EPHB1: variants seen among roughly 807,000 people sequenced by gnomAD.
EPHB1 encodes the protein ephrin type-B receptor 1.
Under a neutral mutation model 94.4 loss-of-function variants are expected in EPHB1, and 30 were observed. That is an observed-to-expected ratio of 0.32 (90% CI 0.24 to 0.43). The LOEUF (loss-of-function observed/expected upper bound fraction) is 0.43, where lower values mean the gene tolerates loss of function less well. Ranked by LOEUF, EPHB1 falls within the 20% of genes least tolerant of loss-of-function variation. The pLI, the probability that EPHB1 is intolerant of heterozygous loss-of-function variation, is 1.00. For synonymous variants in EPHB1, 522 were observed against 489.1 expected, an observed-to-expected ratio of 1.07 and a Z score of -0.89; for missense variants, 1,055 against 1,308.3, an observed-to-expected ratio of 0.81 and a Z score of 2.99.
At chr3:135,244,839 A>G (rs561475005) in intron 13 of EPHB1, among the ~76,000 whole-genome samples, 36 of 152,376 alleles carry the variant, frequency 2.4e-4, no homozygotes, top group African/African-American at 8.4e-4. Flanking sequence ...AATGCTACTC[A>G]TATACCAATG....
At chr3:134,802,540 G>A (rs935516) in intron 1 of EPHB1, among the ~76,000 whole-genome samples, 124,568 of 152,032 alleles carry the variant, frequency 0.82, 51,219 homozygotes, top group East Asian at 0.96. Context: ...TATCAAGAAG[G>A]CTAAGTGCCC....
chr3:134,798,890 C>T (rs1212667347), intron 1 of EPHB1, among the ~76,000 whole-genome samples: 1 of 152,226 alleles, frequency 6.6e-6, no homozygotes, highest in East Asian at 1.9e-4. Flanking sequence ...ACCCCACTCC[C>T]TGTGTCCAGG....
chr3:134,869,212 G>T (rs2037445689), intron 1 of EPHB1, among the ~76,000 whole-genome samples: 1 of 152,210 alleles, frequency 6.6e-6, no homozygotes, highest in Non-Finnish European at 1.5e-5. Context: ...AGGAGAAAAA[G>T]CCAGGCAGGT....
chr3:135,209,604 G>C (rs933014838), intron 12 of EPHB1, among the ~76,000 whole-genome samples: 1 of 152,148 alleles, frequency 6.6e-6, no homozygotes, highest in African/African-American at 2.4e-5. Context: ...TGAAAGTCAA[G>C]GAGACAGAGA....
intron 3 of EPHB1, among the ~76,000 whole-genome samples, chr3:135,038,234 A>G (rs2091898983): frequency 6.6e-6 from 1 of 152,216 alleles, no homozygotes; most frequent in Admixed American, 6.5e-5. Context: ...TCTTTGACAC[A>G]TATCCAAAGA....
rs144197287 is a variant in EPHB1 at position 134,870,765 on chromosome 3, C to T, written c.59-55051C>T. Among the ~76,000 whole-genome samples, 404 of 152,342 alleles carry T rather than the reference C, an allele frequency of 2.7e-3. 2 individuals carry two copies. The highest frequency in any genetic ancestry group is 9.1e-3 in the African/African-American group (380 of 41,566). The stretch of plus-strand genomic sequence containing the variant: ...TGCACATAGTGTTGTGAGGGTTAAA[C>T]GAAATGCGAATCACCAAGTTTCCAG... On this transcript the variant is annotated intron_variant, in intron 1 of 15. Transcript: ENST00000398015.
At chr3:134,904,142 A>G (rs2038264088) in intron 1 of EPHB1, among the ~76,000 whole-genome samples, 1 of 152,098 alleles carries the variant, frequency 6.6e-6, no homozygotes, top group African/African-American at 2.4e-5. Context: ...GTGGGAGAAG[A>G]GGTAGCACTC....
At chr3:135,224,228 T>A (rs1459100851) in intron 12 of EPHB1, among the ~76,000 whole-genome samples, 3 of 152,226 alleles carry the variant, frequency 2.0e-5, no homozygotes, top group Non-Finnish European at 4.4e-5. Context: ...TTTCTCAGAA[T>A]GTGTCTCCAT....
At chr3:134,928,551 G>T (rs1392895700) in intron 2 of EPHB1, among the ~76,000 whole-genome samples, 1 of 152,178 alleles carries the variant, frequency 6.6e-6, no homozygotes, top group Non-Finnish European at 1.5e-5. Flanking sequence ...GCCATCCTTG[G>T]AGTCAGAGGA....
intron 1 of EPHB1, among the ~76,000 whole-genome samples, chr3:134,876,763 A>G (rs2037625470): frequency 6.6e-6 from 1 of 152,166 alleles, no homozygotes; most frequent in Non-Finnish European, 1.5e-5. Flanking sequence ...ACGTGGACTG[A>G]AAGTGGGAGA....
chr3:134,796,561 A>G (rs1356862618), intron 1 of EPHB1, among the ~76,000 whole-genome samples: 2 of 152,210 alleles, frequency 1.3e-5, no homozygotes, highest in African/African-American at 4.8e-5. Context: ...TGCCCGGCGC[A>G]GCGGGGAGCC....
intron 3 of EPHB1, among the ~76,000 whole-genome samples, chr3:135,022,054 A>G (rs1936003012): frequency 6.6e-6 from 1 of 152,146 alleles, no homozygotes; most frequent in Admixed American, 6.5e-5. Flanking sequence ...ATCTCGGCTC[A>G]CTGCAAGCTC....
Position 135,248,387 on chromosome 3 carries a change from C to T in EPHB1, c.2568C>T (p.Leu856=), listed in dbSNP as rs980742205. The stretch of plus-strand genomic sequence containing the variant: ...ACTGTCCAGCTGCTCTACACCAGCT[C>T]ATGCTGGACTGTTGGCAGAAGGACC... ...PMDCPAALHQ[L]MLDCWQKDRN... Residue 856 remains leucine (L), a synonymous_variant, in exon 14 of 16, where the codon CTC becomes CTT. Transcript: ENST00000398015. 1.9e-6 allele frequency: 3 copies of T among 1,613,686 alleles called. No homozygotes were observed. Among genetic ancestry groups the T allele is most frequent in the Admixed American group, 1.7e-5 (1 of 59,994 alleles).
At chr3:134,911,703 G>C (rs1008589978) in intron 1 of EPHB1, among the ~76,000 whole-genome samples, 2 of 152,232 alleles carry the variant, frequency 1.3e-5, no homozygotes, top group Admixed American at 6.5e-5. Context: ...GATGGCAGCA[G>C]CTGGTGTCAG....
intron 10 of EPHB1, among the ~76,000 whole-genome samples, chr3:135,183,031 TTTCTTTCTTTCTTTCTTTCTTTCTTTC>T (rs1278796190): frequency 1.5e-3 from 105 of 68,922 alleles, no homozygotes; most frequent in South Asian, 9.5e-3. Flanking sequence ...TTTTCTTTTC[TTTCTTTCTTTCTTTCTTTCTTTCTTTC>T]TTTCTTTCTT....
chr3:134,934,864 C>T (rs982005644), intron 2 of EPHB1, among the ~76,000 whole-genome samples: 2 of 152,184 alleles, frequency 1.3e-5, no homozygotes, highest in African/African-American at 4.8e-5. Context: ...AGAGCAGAGA[C>T]ATTTCTGTCC....
At chr3:134,889,738 C>T (rs115948295) in intron 1 of EPHB1, among the ~76,000 whole-genome samples, 9,586 of 151,600 alleles carry the variant, frequency 0.063, 336 homozygotes, top group South Asian at 0.15. Flanking sequence ...TGTGCACTGG[C>T]GCGATCTCCG....
At chr3:135,084,428 T>G (rs1164930401) in intron 3 of EPHB1, among the ~76,000 whole-genome samples, 1 of 152,170 alleles carries the variant, frequency 6.6e-6, no homozygotes, top group Non-Finnish European at 1.5e-5. Flanking sequence ...GGTCAGGGCA[T>G]GAGAAGCTCC....
chr3:135,080,521 C>T (rs1324208646), intron 3 of EPHB1, among the ~76,000 whole-genome samples: 2 of 152,026 alleles, frequency 1.3e-5, no homozygotes, highest in Non-Finnish European at 2.9e-5. Flanking sequence ...AAGGTAGCAT[C>T]GTCAGAGGTC....
Sources: allele counts gnomAD v4.1 joint callset (sites outside exome capture counted in the v4.1 genomes callset), GRCh38; gene constraint gnomAD v4.1.1; transcripts MANE v1.5; gene names NCBI Gene and HGNC (gene_info 2026-07-23, HGNC 2026-07-21).